The following DAPK2 variants were observed in gnomAD, a reference collection of about 807,000 sequenced individuals.
The protein encoded by DAPK2 is death associated protein kinase 2.
A neutral mutation model predicts 44.1 loss-of-function variants in DAPK2; 35 were observed. The observed-to-expected ratio is 0.79, with a 90% CI of 0.61 to 1.05. DAPK2 has a LOEUF of 1.05. Ranked by LOEUF, DAPK2 falls within the 50% of genes least tolerant of loss-of-function variation. The pLI is 0.00. For missense variants in DAPK2, 453 were observed against 483.2 expected (o/e 0.94, Z 0.59); for synonymous variants, 174 against 182.6 (o/e 0.95, Z 0.38).
At position 63,911,994 on chromosome 15, in the gene DAPK2, G is replaced by A; in HGVS notation, c.949-3C>T. 2.5e-6 allele frequency: 4 copies of A among 1,613,548 alleles called. No individual in the cohort carries two copies. The highest frequency in any genetic ancestry group is 3.4e-6 in the Non-Finnish European group (4 of 1,179,806). ...AGGGACACGATGCTGAAGGAAAGCT[G>A]AGGGAGGCAGAGGAAAGGAATCCCC... On this transcript the variant is annotated splice_polypyrimidine_tract_variant and splice_region_variant and intron_variant, in intron 9 of 10. Coordinates refer to ENST00000261891, the Ensembl canonical transcript of DAPK2.
At chr15:64,044,680 G>A (rs1357725890), upstream of DAPK2, among the ~76,000 whole-genome samples, 2 of 152,134 alleles carry the variant, frequency 1.3e-5, no homozygotes, top group East Asian at 3.8e-4. Context: ...CTAGGAGGAG[G>A]TGTCTAGGGC....
chr15:63,997,637 G>A lies in DAPK2; in HGVS notation c.93-13883C>T, dbSNP rs938068532. Reference sequence around the variant, plus strand: ...TGAGCCACCATGCCCGGCCTTTGCTGCAATTTAAAATGGACCCTAGCCTCT... The same window carrying A: ...TGAGCCACCATGCCCGGCCTTTGCTACAATTTAAAATGGACCCTAGCCTCT... On this transcript the variant is annotated intron_variant, in intron 1 of 10. Transcript: ENST00000261891. Among the ~76,000 whole-genome samples, 39 of 152,248 alleles carry A rather than the reference G, an allele frequency of 2.6e-4. 1 individual carries two copies. In the East Asian group the frequency reaches 7.3e-3, roughly 29 times the overall value.
At chr15:63,968,450 G>A (rs991044975) in intron 3 of DAPK2, among the ~76,000 whole-genome samples, 8 of 152,174 alleles carry the variant, frequency 5.3e-5, no homozygotes, top group East Asian at 3.8e-4. Flanking sequence ...ACCAGCCCTC[G>A]CCAGCAGTTC....
chr15:63,920,814 T>C (rs891548815), intron 8 of DAPK2: 7 of 152,438 alleles, frequency 4.6e-5, no homozygotes, highest in African/African-American at 9.6e-5. Context: ...TTCCGCACTG[T>C]ATTCCTATTC....
rs2146446865 is a variant in DAPK2, at chr15:63,908,473, C to T, written c.*47G>A. On this transcript the variant is annotated 3_prime_UTR_variant, in exon 11 of 11. Transcript: ENST00000261891. This position sits in a 1 kb window ranked among gnomAD's most constrained non-coding sequence, Gnocchi z 5.7. ...GTCCAAAAGTCTGCACAGAAGGGAGCCCCGCTGGGCCCAGACCTCCCTGGC... is the reference window on the plus strand; with the variant it reads ...GTCCAAAAGTCTGCACAGAAGGGAGTCCCGCTGGGCCCAGACCTCCCTGGC... The T allele has an allele frequency of 6.6e-6, 9 of 1,359,472 alleles. No individual in the cohort carries two copies. Among genetic ancestry groups the T allele is most frequent in the Non-Finnish European group, 9.0e-6 (9 of 995,810 alleles). 84.2% of individuals were successfully genotyped at this position (1,359,472 alleles called of 1,614,324 possible).
upstream of DAPK2, among the ~76,000 whole-genome samples, chr15:64,042,040 C>A (rs564749166): frequency 2.4e-4 from 37 of 152,272 alleles, no homozygotes; most frequent in African/African-American, 8.4e-4. This position sits in a 1 kb window ranked among gnomAD's most constrained non-coding sequence, Gnocchi z 4.7. Flanking sequence ...TCCAGACTAG[C>A]GTGAGTGTAT....
chr15:63,912,863 T>A lies in DAPK2; in HGVS notation c.859-666A>T, dbSNP rs2078833684. ...TAGCCCAGCACCACTCAATAAATAG[T>A]AATAAGTTATTGTGAGCTTTCCTGC... On this transcript the variant is annotated intron_variant, in intron 8 of 10. Coordinates refer to ENST00000261891, the Ensembl canonical transcript of DAPK2. This position sits in a 1 kb window ranked among gnomAD's most constrained non-coding sequence, Gnocchi z 4.4. Among the ~76,000 whole-genome samples the A allele has an allele frequency of 6.6e-6, 1 of 152,194 alleles. No homozygotes were observed. The highest frequency in any genetic ancestry group is 1.5e-5 in the Non-Finnish European group (1 of 68,030).
upstream of DAPK2, among the ~76,000 whole-genome samples, chr15:64,041,253 T>C (rs2080347367): frequency 6.6e-6 from 1 of 152,172 alleles, no homozygotes; most frequent in Non-Finnish European, 1.5e-5. Flanking sequence ...AGGTGCTAGT[T>C]CCAGCTTTGC....
chr15:63,977,799 A>G (rs2078395094), intron 2 of DAPK2, among the ~76,000 whole-genome samples: 1 of 152,208 alleles, frequency 6.6e-6, no homozygotes, highest in African/African-American at 2.4e-5. Flanking sequence ...GACTTGCCCA[A>G]GATCACACAG....
chr15:64,041,174 C>A (rs1241844213), upstream of DAPK2, among the ~76,000 whole-genome samples: 1 of 152,210 alleles, frequency 6.6e-6, no homozygotes, highest in Non-Finnish European at 1.5e-5. Flanking sequence ...TCTCACTCAT[C>A]AACCCCAAAG....
chr15:64,012,627 A>G (rs887694201), intron 1 of DAPK2, among the ~76,000 whole-genome samples: 2 of 152,260 alleles, frequency 1.3e-5, no homozygotes, highest in African/African-American at 4.8e-5. Flanking sequence ...ATTAAAATAC[A>G]AAGTTACAGA....
At chr15:63,915,868 TAAATTCTGCAGCAGAGGTGA>T (rs2078913796) in intron 8 of DAPK2, among the ~76,000 whole-genome samples, 2 of 152,218 alleles carry the variant, frequency 1.3e-5, no homozygotes, top group Admixed American at 1.3e-4. Flanking sequence ...TGGAAAGATG[TAAATTCTGCAGCAGAGGTGA>T]AAATTCTGCA....
At chr15:64,010,091 G>A (rs149830162) in intron 1 of DAPK2, among the ~76,000 whole-genome samples, 2 of 152,266 alleles carry the variant, frequency 1.3e-5, no homozygotes, top group African/African-American at 4.8e-5. Context: ...AGTGTGACCC[G>A]AGACCAGTAA....
chr15:64,001,026 C>T (rs981509429), intron 1 of DAPK2, among the ~76,000 whole-genome samples: 3 of 151,898 alleles, frequency 2.0e-5, no homozygotes, highest in Admixed American at 6.6e-5. Flanking sequence ...ATTACAGGTA[C>T]GTGCCACCAC....
intron 3 of DAPK2, among the ~76,000 whole-genome samples, 178 bp downstream of exon 4, chr15:63,971,245 A>G (rs2078203556): frequency 6.6e-6 from 1 of 152,166 alleles, no homozygotes; most frequent in Non-Finnish European, 1.5e-5. Flanking sequence ...GTTATGAAAA[A>G]TGAAACTGAG....
chr15:64,017,261 C>G (rs2079556435), intron 1 of DAPK2, among the ~76,000 whole-genome samples: 1 of 152,194 alleles, frequency 6.6e-6, no homozygotes, highest in Admixed American at 6.5e-5. Flanking sequence ...AGTCACCTAA[C>G]CTCTTGAAAC....
chr15:63,971,440 C>G, exon 3 of DAPK2: 3 of 1,614,184 alleles, frequency 1.9e-6, no homozygotes, highest in Non-Finnish European at 2.5e-6. Context: ...TCAAAGTGAG[C>G]AATTTTCTTT....
chr15:64,033,279 G>GA (rs2080074260), intron 1 of DAPK2, among the ~76,000 whole-genome samples: 1 of 60,560 alleles, frequency 1.7e-5, no homozygotes, highest in African/African-American at 8.7e-5. Flanking sequence ...GAGGGGGAAG[G>GA]GGGAAGGGGG....
intron 3 of DAPK2, among the ~76,000 whole-genome samples, chr15:63,957,101 C>A (rs756295942): frequency 1.1e-4 from 17 of 152,198 alleles, no homozygotes; most frequent in Non-Finnish European, 2.4e-4. Context: ...CAAGGTCCTC[C>A]AATGTTGGAT....
Sources: allele counts gnomAD v4.1 joint callset (sites outside exome capture counted in the v4.1 genomes callset), GRCh38; gene constraint gnomAD v4.1.1; non-coding constraint Gnocchi (gnomAD v3.1); transcripts MANE v1.5; gene names NCBI Gene and HGNC (gene_info 2026-07-23, HGNC 2026-07-21).